The following LNX2 variants were observed in gnomAD, a reference collection of about 807,000 sequenced individuals.
LNX2 encodes ligand of numb-protein X 2, also known as ligand of Numb protein X 2.
In LNX2, 35 loss-of-function variants were observed where a neutral mutation model predicts 66.2. The ratio of observed to expected loss-of-function variants is 0.53; its 90% CI spans 0.40 to 0.70. The LOEUF (loss-of-function observed/expected upper bound fraction) is 0.70, where lower values mean the gene tolerates loss of function less well. LNX2 is among the 30% of genes least tolerant of loss of function. The pLI is 0.00. For missense variants in LNX2, 791 were observed against 850.8 expected, an observed-to-expected ratio of 0.93 and a Z score of 0.87; for synonymous variants, 337 against 315.6, an observed-to-expected ratio of 1.07 and a Z score of -0.72.
At chr13:27,590,245 T>A (rs757957142) in intron 1 of LNX2, among the ~76,000 whole-genome samples, 2 of 151,956 alleles carry the variant, frequency 1.3e-5, no homozygotes, top group Non-Finnish European at 2.9e-5. Context: ...TTATTATTTA[T>A]TTATTTATTT....
chr13:27,567,776 T>C lies in LNX2; in HGVS notation c.719A>G (p.Asn240Ser), dbSNP rs1955224762. The C allele has an allele frequency of 1.2e-6, 2 of 1,614,030 alleles. No homozygotes were observed. The highest frequency in any genetic ancestry group is 1.1e-5 in the South Asian group (1 of 91,064). Residue 240 changes from asparagine (N) to serine (S), a missense_variant, in exon 4 of 10, where the codon AAT becomes AGT. Asn to Ser is a conservative substitution (Grantham distance 46). Transcript: ENST00000316334. ...GCTGATTCCTAACTGAATGTAAGGA[T>C]TGGACCGATGAATTTCAATCGTGGT... ...EITTIEIHRS[N>S]PYIQLGISIV... is the part of the protein sequence containing the mutation.
chr13:27,553,118 TCCCAACGAG>T, intron 8 of LNX2, 81 bp downstream of exon 8: 1 of 1,032,482 alleles, frequency 9.7e-7, no homozygotes, highest in African/African-American at 1.6e-5. Flanking sequence ...TTTTTTTTTA[TCCCAACGAG>T]TAAATTTATC....
intron 1 of LNX2, among the ~76,000 whole-genome samples, chr13:27,603,973 G>C (rs1593263344): frequency 6.9e-6 from 1 of 145,852 alleles, no homozygotes; most frequent in African/African-American, 2.5e-5. Context: ...AAAAAAAAAA[G>C]GCCGGGCACG....
intron 1 of LNX2, among the ~76,000 whole-genome samples, chr13:27,583,797 T>C (rs1955451986): frequency 6.6e-6 from 1 of 152,072 alleles, no homozygotes; most frequent in African/African-American, 2.4e-5. Flanking sequence ...TAAAGCCCAT[T>C]ATTAAAATTC....
At chr13:27,617,158 T>A (rs115114354) in intron 1 of LNX2, among the ~76,000 whole-genome samples, 3,889 of 152,290 alleles carry the variant, frequency 0.026, 198 homozygotes, top group African/African-American at 0.088. Flanking sequence ...TACTGCTTTG[T>A]ATTTTCTGAG....
At chr13:27,593,462 T>C (rs1955565596) in intron 1 of LNX2, among the ~76,000 whole-genome samples, 1 of 152,074 alleles carries the variant, frequency 6.6e-6, no homozygotes, top group Non-Finnish European at 1.5e-5. Flanking sequence ...GTTATGAATG[T>C]CTAACTGCTA....
chr13:27,554,542 T>C (rs891853432), intron 7 of LNX2, among the ~76,000 whole-genome samples: 4 of 152,222 alleles, frequency 2.6e-5, no homozygotes, highest in South Asian at 2.1e-4. Flanking sequence ...TCAGGGTTCA[T>C]CCTTGTAATT....
At chr13:27,587,292 C>G (rs377500200) in intron 1 of LNX2, among the ~76,000 whole-genome samples, 9 of 152,252 alleles carry the variant, frequency 5.9e-5, no homozygotes, top group East Asian at 3.9e-4. Context: ...AGCGCTCCCC[C>G]CCTTCCCTTC....
At chr13:27,567,893 C>G in intron 3 of LNX2, 54 bp from the exon 4 acceptor site, 3 of 1,414,534 alleles carry the variant, frequency 2.1e-6, no homozygotes, top group Non-Finnish European at 3.0e-6. Flanking sequence ...AATAAACAAA[C>G]CCAACAATTT....
In LNX2 at chr13:27,567,795, T is replaced by C; in HGVS notation, c.700A>G (p.Ile234Val). The C allele has an allele frequency of 6.2e-7, 1 of 1,614,108 alleles. No homozygotes were observed. Among genetic ancestry groups the C allele is most frequent in the Non-Finnish European group, 8.5e-7 (1 of 1,180,006 alleles). Residue 234 changes from isoleucine (I) to valine (V), a missense_variant, in exon 4 of 10, where the codon ATT (isoleucine) becomes GTT (valine). Ile to Val is a conservative substitution (Grantham distance 29, BLOSUM62 3). Coordinates refer to ENST00000316334, the MANE Select transcript of LNX2 (RefSeq NM_153371.4). The stretch of plus-strand genomic sequence containing the variant: ...TAAGGATTGGACCGATGAATTTCAA[T>C]CGTGGTGATTTCTCCTTCTGGTAAA... Reference protein sequence around the residue: ...LSLPEGEITTIEIHRSNPYIQ... With the variant: ...LSLPEGEITTVEIHRSNPYIQ...
intron 1 of LNX2, among the ~76,000 whole-genome samples, chr13:27,588,800 G>A (rs1414913859): frequency 1.3e-5 from 2 of 151,820 alleles, no homozygotes; most frequent in Non-Finnish European, 2.9e-5. Context: ...AAATATCCAT[G>A]TTAATAAAAA....
At chr13:27,571,617 CTT>C (rs1343077120) in intron 2 of LNX2, among the ~76,000 whole-genome samples, 1 of 151,988 alleles carries the variant, frequency 6.6e-6, no homozygotes, top group African/African-American at 2.4e-5. Flanking sequence ...GAATTGCACA[CTT>C]TAAATAAAGT....
At chr13:27,594,717 T>TC (rs756271226) in intron 1 of LNX2, among the ~76,000 whole-genome samples, 22 of 152,254 alleles carry the variant, frequency 1.4e-4, no homozygotes, top group Middle Eastern at 6.8e-3. Flanking sequence ...ACGCCTATAT[T>TC]CCCAGTATCA....
At chr13:27,571,106 G>A (rs1955274239) in intron 2 of LNX2, among the ~76,000 whole-genome samples, 1 of 152,166 alleles carries the variant, frequency 6.6e-6, no homozygotes, top group Non-Finnish European at 1.5e-5. Context: ...CTCAGCATTA[G>A]AAGAGGAAGG....
chr13:27,563,829 A>C (rs924439742), intron 4 of LNX2, among the ~76,000 whole-genome samples: 3 of 152,142 alleles, frequency 2.0e-5, no homozygotes, highest in African/African-American at 4.8e-5. Flanking sequence ...GTTGATTTTG[A>C]CCTATTAACA....
At chr13:27,552,521 G>GT (rs2138314635) in intron 8 of LNX2, among the ~76,000 whole-genome samples, 1 of 152,272 alleles carries the variant, frequency 6.6e-6, no homozygotes, top group South Asian at 2.1e-4. Context: ...CTTAGGTACG[G>GT]TAAGAATCTA....
At chr13:27,565,772 T>C (rs968493607) in intron 4 of LNX2, among the ~76,000 whole-genome samples, 2 of 152,190 alleles carry the variant, frequency 1.3e-5, no homozygotes, top group Non-Finnish European at 2.9e-5. Flanking sequence ...GGAAAGGTTT[T>C]AGGCTTGGTG....
At chr13:27,601,673 TC>T (rs1555269759) in intron 1 of LNX2, among the ~76,000 whole-genome samples, 1 of 152,150 alleles carries the variant, frequency 6.6e-6, no homozygotes, top group Non-Finnish European at 1.5e-5. Context: ...ATTAATATTT[TC>T]CCAAAAATTT....
chr13:27,583,217 T>TGCGC, intron 1 of LNX2, among the ~76,000 whole-genome samples: 1 of 21,016 alleles, frequency 4.8e-5, no homozygotes, highest in East Asian at 1.3e-3. Context: ...TGTGTGTGTG[T>TGCGC]GTGTGTGTGT....
Sources: gnomAD v4.1 joint callset for allele counts (sites outside exome capture counted in the v4.1 genomes callset) on GRCh38, gnomAD v4.1.1 for gene constraint, MANE v1.5 for transcripts, NCBI Gene and HGNC (gene_info 2026-07-23, HGNC 2026-07-21) for gene names.